PRB2: variants seen among roughly 807,000 people sequenced by gnomAD.
PRB2 encodes the protein proline rich protein BstNI subfamily 2.
A neutral mutation model predicts 8.3 loss-of-function variants in PRB2; 12 were observed. That is an observed-to-expected ratio of 1.45 (90% CI 0.93 to 2.35). The LOEUF is 2.35. Ranked by LOEUF, PRB2 falls within the 30% of genes most tolerant of loss-of-function variation. PRB2 has a pLI of 0.00. For missense variants in PRB2, 470 were observed against 507.0 expected (o/e 0.93, Z 0.70); for synonymous variants, 146 against 180.0 (o/e 0.81, Z 1.51).
Position 11,393,637 on chromosome 12 carries a change from G to C in PRB2, c.441C>G (p.Gly147=). 6.5e-7 allele frequency: 1 copy of C among 1,539,122 alleles called. No individual in the cohort carries two copies. The highest frequency in any genetic ancestry group is 8.7e-7 in the Non-Finnish European group (1 of 1,147,282). The change falls in exon 3 of 4, where the codon GGC becomes GGG. Residue 147 remains glycine (G), a synonymous_variant. Coordinates refer to ENST00000389362, the MANE Select transcript of PRB2 (RefSeq NM_006248.4). ...GAGGTGGGGGACCTTGAGGTTTGTTGCCTCCTTGTGGGGGTGGTCCTTGTG... is the reference window on the plus strand; with the variant it reads ...GAGGTGGGGGACCTTGAGGTTTGTTCCCTCCTTGTGGGGGTGGTCCTTGTG... The part of the protein sequence containing the change: ...GKPQGPPPQG[G]NKPQGPPPPG...
In PRB2 at chr12:11,391,772, A is replaced by G. The variant is rs1183906170; in HGVS notation, c.*34-124T>C. ...CATCCTCTCTCCCCCTATCCCTTCTACCTCCTGTGTTTCCTCCCTAATTTT... is the reference window on the plus strand; with the variant it reads ...CATCCTCTCTCCCCCTATCCCTTCTGCCTCCTGTGTTTCCTCCCTAATTTT... On this transcript the variant is annotated intron_variant, in intron 3 of 3. Transcript: ENST00000389362. 10 of 213,150 alleles carry G rather than the reference A, an allele frequency of 4.7e-5. 2 individuals are homozygous for G. The highest frequency in any genetic ancestry group is 7.5e-5 in the Non-Finnish European group (8 of 106,678). The allele number at this position is 213,150 out of a possible 1,614,324, so 13.2% of individuals were successfully genotyped here.
chr12:11,391,862 A>T (rs1864330288), intron 3 of PRB2, among the ~76,000 whole-genome samples: 1 of 139,750 alleles, frequency 7.2e-6, no homozygotes, highest in East Asian at 2.0e-4. Context: ...TACGTGATGA[A>T]GACAGAAGAT....
rs1312657913 is a variant in PRB2 at position 11,392,968 on chromosome 12, G to A, written c.1110C>T (p.Pro370=). The A allele has an allele frequency of 6.2e-7, 1 of 1,612,480 alleles. No homozygotes were observed. Among genetic ancestry groups the A allele is most frequent in the Non-Finnish European group, 8.5e-7 (1 of 1,179,588 alleles). ...CTTGAGGATTGTTGCCTTCTTGTTG[G>A]GGTGGTCCTTGTGGCTTTCCTGGAG... ...RSPPGKPQGP[P]QQEGNNPQGP... The change falls in exon 3 of 4, where the codon CCC becomes CCT. Residue 370 remains proline, a synonymous_variant. Transcript: ENST00000389362.
chr12:11,394,106 C>G, intron 2 of PRB2, 129 bp from the exon 3 acceptor site: 2 of 1,305,120 alleles, frequency 1.5e-6, no homozygotes, highest in East Asian at 4.6e-5. Context: ...GAGACCAAGA[C>G]ATTAATTTCT....
At chr12:11,394,631 C>T in intron 1 of PRB2, 101 bp from the exon 2 acceptor site, 1 of 1,429,546 alleles carries the variant, frequency 7.0e-7, no homozygotes, top group Non-Finnish European at 9.9e-7. Context: ...ACACCCCATG[C>T]ATCCCCTAAG....
At chr12:11,395,425 C>G in intron 1 of PRB2, 41 bp downstream of exon 1, 2 of 1,612,758 alleles carry the variant, frequency 1.2e-6, no homozygotes, top group Non-Finnish European at 1.7e-6. Flanking sequence ...CCTCCTAAGC[C>G]CCAAGCAGAG....
rs183714860 is a variant in PRB2 at position 11,394,378 on chromosome 12, G to A, written c.100+117C>T. On this transcript the variant is annotated intron_variant, in intron 2 of 3. Transcript: ENST00000389362. The stretch of plus-strand genomic sequence containing the variant: ...ATGAAGAGTGCCTATATTATTAGGA[G>A]CACTAACATTAATCAATTCCCGAAA... The A allele has an allele frequency of 6.3e-6, 8 of 1,264,930 alleles. No individual in the cohort carries two copies. In the East Asian group the frequency reaches 1.4e-4, roughly 22 times the overall value. 78.4% of individuals were successfully genotyped at this position (1,264,930 alleles called of 1,614,324 possible). A position where few individuals can be genotyped will look rare whatever the true frequency, so the allele number is the denominator to read the frequency against.
intron 2 of PRB2, 132 bp downstream of exon 2, chr12:11,394,363 C>A: frequency 8.7e-7 from 1 of 1,152,224 alleles, no homozygotes; most frequent in Admixed American, 1.8e-5. Context: ...ATGAAGAGTG[C>A]CTATATTATT....
intron 2 of PRB2, among the ~76,000 whole-genome samples, chr12:11,394,179 G>A (rs571559065): frequency 6.6e-6 from 1 of 152,250 alleles, no homozygotes; most frequent in African/African-American, 2.4e-5. Flanking sequence ...AAGCAGTTGA[G>A]GGCCTCTCAT....
chr12:11,394,030 C>A (rs1864368058), intron 2 of PRB2, 53 bp from the exon 3 acceptor site: 7 of 1,608,724 alleles, frequency 4.4e-6, no homozygotes, highest in East Asian at 4.5e-5. Flanking sequence ...TACAAGATTC[C>A]CTGAATAGTT....
intron 2 of PRB2, 40 bp from the exon 3 acceptor site, chr12:11,394,017 C>T: frequency 1.2e-6 from 2 of 1,612,740 alleles, no homozygotes; most frequent in Non-Finnish European, 1.7e-6. Flanking sequence ...GAGTAAAAGC[C>T]CATACAAGAT....
chr12:11,394,009 G>A (rs747545537), intron 2 of PRB2, 32 bp from the exon 3 acceptor site: 1 of 1,613,446 alleles, frequency 6.2e-7, no homozygotes, highest in Non-Finnish European at 8.5e-7. Flanking sequence ...GAAAGACAGA[G>A]TAAAAGCCCA....
At chr12:11,394,188 A>G (rs1439052889) in intron 2 of PRB2, among the ~76,000 whole-genome samples, 2 of 152,152 alleles carry the variant, frequency 1.3e-5, no homozygotes, top group African/African-American at 4.8e-5. Context: ...AGGGCCTCTC[A>G]TTATAAAGAG....
Position 11,391,562 on chromosome 12 carries a change from G to T in PRB2, c.*120C>A. On this transcript the variant is annotated 3_prime_UTR_variant, in exon 4 of 4. Transcript: ENST00000389362. ...AAATTGCAAGCTAATTATTTTATTG[G>T]TATACAGAAGTTAGAGCTATGATGA... The T allele has an allele frequency of 2.5e-6, 1 of 393,562 alleles. No homozygotes were observed. 24.4% of individuals were successfully genotyped at this position (393,562 alleles called of 1,614,324 possible).
In PRB2 at chr12:11,393,446, T is replaced by C. The variant is rs11054276; in HGVS notation, c.632A>G (p.Lys211Arg). The change falls in exon 3 of 4, where the codon AAA (lysine) becomes AGA (arginine). Residue 211 changes from lysine to arginine, a missense_variant. Physicochemically the swap from Lys to Arg is conservative, Grantham distance 26. Transcript: ENST00000389362. Reference protein sequence around the residue: ...PQGPPPQGGNKPQGPPPPGKP... With the variant: ...PQGPPPQGGNRPQGPPPPGKP... Reference sequence around the variant, plus strand: ...TCCTGGAGGTGGGGGACCTTGAGGTTTGTTGCCTCCTTGTGGGGGTGGTCC... The same window carrying C: ...TCCTGGAGGTGGGGGACCTTGAGGTCTGTTGCCTCCTTGTGGGGGTGGTCC... 493 of 1,122,604 alleles carry C rather than the reference T, an allele frequency of 4.4e-4. No homozygotes were observed. The South Asian group carries it at 5.7e-3, about 13-fold the overall frequency. The allele number at this position is 1,122,604 out of a possible 1,614,324, so 69.5% of individuals were successfully genotyped here. A position where few individuals can be genotyped will look rare whatever the true frequency, so the allele number is the denominator to read the frequency against.
chr12:11,392,979 G>A lies in PRB2; in HGVS notation c.1099C>T (p.Gln367Ter). 1.9e-6 allele frequency: 3 copies of A among 1,612,812 alleles called. No individual in the cohort carries two copies. The highest frequency in any genetic ancestry group is 1.7e-6 in the Non-Finnish European group (2 of 1,179,684). The change falls in exon 3 of 4, where the codon CAA becomes TAA. Residue 367 changes from glutamine to a stop codon, truncating the protein, a stop_gained. Transcript: ENST00000389362. LOFTEE classifies it low-confidence loss of function (END_TRUNC). Reference protein sequence around the residue: ...RSARSPPGKPQGPPQQEGNNP... With the variant: ...RSARSPPGKP ...TTGCCTTCTTGTTGGGGTGGTCCTT[G>A]TGGCTTTCCTGGAGGAGATCGGGCA... is the stretch of plus-strand genomic sequence containing the variant.
intron 2 of PRB2, 43 bp downstream of exon 2, chr12:11,394,452 G>T: frequency 6.2e-7 from 1 of 1,601,850 alleles, no homozygotes; most frequent in Admixed American, 1.7e-5. Context: ...TTCATAAGCA[G>T]AAAAAGACAG....
intron 3 of PRB2, among the ~76,000 whole-genome samples, 152 bp from the exon 4 acceptor site, chr12:11,391,800 G>A (rs1178590905): frequency 6.8e-6 from 1 of 146,300 alleles, no homozygotes; most frequent in Non-Finnish European, 1.5e-5. Flanking sequence ...CTAATTTTTT[G>A]TGTGTTCACT....
Position 11,393,896 on chromosome 12 carries a change from G to A in PRB2, c.182C>T (p.Pro61Leu). Residue 61 changes from proline (P) to leucine (L), a missense_variant, in exon 3 of 4, where the codon CCC becomes CTC. This residue lies in a region of PRB2 where 211 missense variants were observed against 207.7 expected (regional missense o/e 1.02). Transcript: ENST00000389362. ...TTGAGGCTGGTTGCCTCCTTGTGGG[G>A]GTGGTCCTTGTGGCTTTCCTGGAGG... is the stretch of plus-strand genomic sequence containing the variant. Reference protein sequence around the residue: ...PSPPGKPQGPPPQGGNQPQGP... With the variant: ...PSPPGKPQGPLPQGGNQPQGP... The A allele has an allele frequency of 6.7e-7, 1 of 1,497,118 alleles. No individual in the cohort carries two copies. The highest frequency in any genetic ancestry group is 9.0e-7 in the Non-Finnish European group (1 of 1,110,148). The allele number at this position is 1,497,118 out of a possible 1,614,324, so 92.7% of individuals were successfully genotyped here.
Sources: gnomAD v4.1 joint callset for allele counts (sites outside exome capture counted in the v4.1 genomes callset) on GRCh38, gnomAD v4.1.1 for gene constraint, gnomAD v4.1.1 regional missense constraint, MANE v1.5 for transcripts, NCBI Gene and HGNC (gene_info 2026-07-23, HGNC 2026-07-21) for gene names.